The following ZNF568 variants were observed in gnomAD, a reference collection of about 807,000 sequenced individuals.
The protein encoded by ZNF568 is p53 inhibitor of SCO2 activation.
In ZNF568, 11 loss-of-function variants were observed where a neutral mutation model predicts 18.1. The ratio of observed to expected loss-of-function variants is 0.61; its 90% CI spans 0.38 to 1.00. ZNF568 has a LOEUF of 1.00. Among genes scored for constraint, ZNF568 ranks in the 50% least tolerant of loss-of-function variants. The pLI, the probability that ZNF568 is intolerant of heterozygous loss-of-function variation, is 0.01. For missense variants in ZNF568, 639 were observed against 768.2 expected, an observed-to-expected ratio of 0.83 and a Z score of 1.99; for synonymous variants, 213 against 246.6, an observed-to-expected ratio of 0.86 and a Z score of 1.28.
At chr19:36,980,000 G>C (rs750677569), downstream of ZNF568, 4 of 151,720 alleles carry the variant, frequency 2.6e-5, no homozygotes, top group Non-Finnish European at 5.9e-5. Context: ...CAACTTTCAT[G>C]CTCATTGGCA....
chr19:36,957,667 T>C (rs570981948), downstream of ZNF568, among the ~76,000 whole-genome samples: 7 of 152,252 alleles, frequency 4.6e-5, no homozygotes, highest in African/African-American at 1.7e-4. Context: ...GATGGAGGAC[T>C]TGAGAAACAA....
chr19:36,945,308 A>G (rs2043648575), intron 6 of ZNF568, among the ~76,000 whole-genome samples: 2 of 151,192 alleles, frequency 1.3e-5, no homozygotes, highest in Admixed American at 1.3e-4. Context: ...TTTAAACTGC[A>G]CGAGTCCACT....
intron 6 of ZNF568, among the ~76,000 whole-genome samples, chr19:36,944,822 A>C (rs930407024): frequency 2.0e-5 from 3 of 152,108 alleles, no homozygotes; most frequent in Admixed American, 2.0e-4. Context: ...AATATTACTA[A>C]TAATAAAAAG....
chr19:36,991,431 G>A, intron 3 of ZNF568: 1 of 1,230,638 alleles, frequency 8.1e-7, no homozygotes, highest in Non-Finnish European at 1.1e-6. Flanking sequence ...AATGTTTCTT[G>A]CTCACCAAAA....
chr19:36,961,643 C>T (rs998999634), intron 6 of ZNF568, among the ~76,000 whole-genome samples: 4 of 152,090 alleles, frequency 2.6e-5, no homozygotes, highest in Admixed American at 2.6e-4. Flanking sequence ...TCTGCATCAG[C>T]CTCCTGAGTA....
chr19:36,991,729 T>C (rs977851621), intron 3 of ZNF568: 31 of 1,540,058 alleles, frequency 2.0e-5, no homozygotes, highest in Non-Finnish European at 2.6e-5. Context: ...AACAAAACCT[T>C]GTTCCCTTTG....
At chr19:36,980,838 T>A (rs1346490679), downstream of ZNF568, among the ~76,000 whole-genome samples, 2 of 152,108 alleles carry the variant, frequency 1.3e-5, no homozygotes, top group Non-Finnish European at 1.5e-5. Flanking sequence ...CTGTCCTCCC[T>A]CCTTGCCTGA....
rs1480362677 is a variant in ZNF568, at chr19:36,949,503, C to A, written c.359-9C>A. 1.9e-6 allele frequency: 3 copies of A among 1,546,324 alleles called. No individual in the cohort carries two copies. The highest frequency in any genetic ancestry group is 4.5e-5 in the East Asian group (2 of 44,422). On this transcript the variant is annotated splice_polypyrimidine_tract_variant and intron_variant, in intron 6 of 6. Coordinates refer to ENST00000333987, the MANE Select transcript of ZNF568 (RefSeq NM_198539.4). ...TTCACAAGTAATAATTTCTGGTCCTCCATTTTAGAAGTTTGGGAAGTTGAT... is the reference window on the plus strand; with the variant it reads ...TTCACAAGTAATAATTTCTGGTCCTACATTTTAGAAGTTTGGGAAGTTGAT...
chr19:36,942,459 C>T (rs1004732322), intron 6 of ZNF568, among the ~76,000 whole-genome samples: 3 of 151,492 alleles, frequency 2.0e-5, no homozygotes, highest in Middle Eastern at 3.4e-3. Context: ...ACTAGCCAGG[C>T]GTGGTGGCGG....
At chr19:36,997,076 A>G in exon 5 of ZNF568, 3 of 1,565,590 alleles carry the variant, frequency 1.9e-6, no homozygotes, top group Non-Finnish European at 2.6e-6. Flanking sequence ...GCTTTTCGTT[A>G]TGACACACAG....
At chr19:36,929,125 A>G (rs1189323631) in intron 4 of ZNF568, among the ~76,000 whole-genome samples, 2 of 62,498 alleles carry the variant, frequency 3.2e-5, no homozygotes, top group Non-Finnish European at 7.6e-5. Flanking sequence ...ACTTTAGGGA[A>G]AAAAAAATTT....
intron 4 of ZNF568, among the ~76,000 whole-genome samples, chr19:36,993,479 T>C (rs1426248056): frequency 6.6e-6 from 1 of 152,160 alleles, no homozygotes; most frequent in East Asian, 1.9e-4. Context: ...TCATGGAGGA[T>C]TTATATTAAG....
chr19:36,978,640 A>G (rs370777892), intron 7 of ZNF568, among the ~76,000 whole-genome samples: 11 of 152,288 alleles, frequency 7.2e-5, no homozygotes, highest in Admixed American at 3.9e-4. Context: ...AATGGGAGGC[A>G]ACGTATCCTG....
intron 6 of ZNF568, among the ~76,000 whole-genome samples, chr19:36,946,960 C>T (rs974897010): frequency 2.7e-5 from 4 of 150,646 alleles, no homozygotes; most frequent in Non-Finnish European, 5.9e-5. Context: ...TTTTTTTTAA[C>T]TAGTGGACTA....
chr19:36,932,044 A>G (rs1048995742), intron 4 of ZNF568, among the ~76,000 whole-genome samples: 4 of 152,140 alleles, frequency 2.6e-5, no homozygotes, highest in Admixed American at 6.6e-5. Flanking sequence ...AGTTTCATGC[A>G]TTTTGTAGCT....
At chr19:36,933,102 A>G (rs2073714753) in intron 4 of ZNF568, among the ~76,000 whole-genome samples, 2 of 145,502 alleles carry the variant, frequency 1.4e-5, no homozygotes, top group African/African-American at 5.0e-5. Flanking sequence ...CCATTGCCTA[A>G]TTCAATTGAA....
chr19:36,924,134 C>T (rs1392421459), intron 3 of ZNF568, among the ~76,000 whole-genome samples: 1 of 152,052 alleles, frequency 6.6e-6, no homozygotes, highest in South Asian at 2.1e-4. Context: ...TTAAAAATGT[C>T]ATTAGAAACA....
intron 2 of ZNF568, among the ~76,000 whole-genome samples, chr19:36,990,300 C>G (rs2074412514): frequency 6.6e-6 from 1 of 152,144 alleles, no homozygotes; most frequent in African/African-American, 2.4e-5. Context: ...GTAACAGGAA[C>G]AATTTAGCCA....
At chr19:36,932,512 C>T (rs931426893) in intron 4 of ZNF568, among the ~76,000 whole-genome samples, 1 of 152,148 alleles carries the variant, frequency 6.6e-6, no homozygotes, top group Non-Finnish European at 1.5e-5. Flanking sequence ...ATCACTTGAA[C>T]CTGGTAGGCA....
Sources: allele counts gnomAD v4.1 joint callset (sites outside exome capture counted in the v4.1 genomes callset), GRCh38; gene constraint gnomAD v4.1.1; transcripts MANE v1.5; gene names NCBI Gene and HGNC (gene_info 2026-07-23, HGNC 2026-07-21).